The following ZFAT variants were observed in gnomAD, a reference collection of about 807,000 sequenced individuals.
ZFAT encodes the protein zinc finger and AT-hook domain containing, also known as zinc finger protein ZFAT.
In ZFAT, 64 loss-of-function variants were observed where a neutral mutation model predicts 117.7. That is an observed-to-expected ratio of 0.54 (90% confidence interval 0.44 to 0.67). ZFAT has a LOEUF of 0.67. ZFAT is among the 30% of genes least tolerant of loss of function. The pLI is 0.00. For synonymous variants in ZFAT, 679 were observed against 615.0 expected (o/e 1.10, Z -1.54); for missense variants, 1,433 against 1,584.5 (o/e 0.90, Z 1.62).
the ZFAT span, among the ~76,000 whole-genome samples, chr8:134,787,061 C>A: frequency 1.3e-5 from 2 of 152,094 alleles, 1 homozygote; most frequent in South Asian, 4.1e-4. Context: ...GTTGCCCAGG[C>A]TAGTCTTGAA....
chr8:134,539,072 G>T (rs1822054674), intron 11 of ZFAT, among the ~76,000 whole-genome samples: 1 of 152,188 alleles, frequency 6.6e-6, no homozygotes, highest in Non-Finnish European at 1.5e-5. Flanking sequence ...GAGAGTAGAA[G>T]AGGACAGGGA....
intron 1 of ZFAT, among the ~76,000 whole-genome samples, 176 bp downstream of exon 1, chr8:134,712,669 G>GC (rs1814053295): frequency 6.8e-6 from 1 of 146,000 alleles, no homozygotes; most frequent in Non-Finnish European, 1.5e-5. Context: ...CTGAACGTGA[G>GC]CCGCAGAACG....
At chr8:134,540,423 A>G (rs1320033223) in intron 11 of ZFAT, among the ~76,000 whole-genome samples, 2 of 152,218 alleles carry the variant, frequency 1.3e-5, no homozygotes, top group African/African-American at 2.4e-5. Context: ...CTGAGGCTCC[A>G]AGAAACCTCC....
rs767185578 is a variant in ZFAT at position 134,637,575 on chromosome 8, G to C, written c.334C>G (p.Pro112Ala). The C allele has an allele frequency of 2.5e-6, 4 of 1,614,220 alleles. No individual in the cohort carries two copies. The highest frequency in any genetic ancestry group is 1.3e-5 in the African/African-American group (1 of 75,060). The change falls in exon 3 of 16, where the codon CCT becomes GCT. Residue 112 changes from proline to alanine, a missense_variant. Coordinates refer to ENST00000377838, the MANE Select transcript of ZFAT (RefSeq NM_020863.4). The part of the protein sequence containing the change: ...PLAPEEGNSL[P>A]PSSLECSKCC... Reference sequence around the variant, plus strand: ...TTGCTACACTCCAAGCTGCTTGGAGGCAGGCTGTTCCCTTCCTCCGGAGCC... The same window carrying C: ...TTGCTACACTCCAAGCTGCTTGGAGCCAGGCTGTTCCCTTCCTCCGGAGCC...
intron 10 of ZFAT, among the ~76,000 whole-genome samples, chr8:134,582,435 A>G (rs1214180241): frequency 1.3e-5 from 2 of 152,240 alleles, no homozygotes; most frequent in Non-Finnish European, 2.9e-5. Flanking sequence ...TGCTATCATC[A>G]TCTTAAGAAA....
chr8:134,515,583 T>C (rs1276745827), intron 13 of ZFAT, among the ~76,000 whole-genome samples: 4 of 152,256 alleles, frequency 2.6e-5, no homozygotes, highest in Non-Finnish European at 5.9e-5. Context: ...TTTTTTCATA[T>C]GTTTGTTGGC....
intron 10 of ZFAT, among the ~76,000 whole-genome samples, chr8:134,574,333 C>T (rs1825148955): frequency 6.6e-6 from 1 of 152,136 alleles, no homozygotes; most frequent in Admixed American, 6.5e-5. Context: ...AAGGCAATCG[C>T]TCCTGGCCTC....
chr8:134,590,281 C>G lies in ZFAT; in HGVS notation c.2550G>C (p.Lys850Asn). 2 of 1,613,000 alleles carry G rather than the reference C, an allele frequency of 1.2e-6. No individual in the cohort carries two copies. Among genetic ancestry groups the G allele is most frequent in the Non-Finnish European group, 1.7e-6 (2 of 1,179,128 alleles). Reference sequence around the variant, plus strand: ...GCACAACCTTACCAGGATGGTTGGTCTTGATATGTGACTTTATCAATCGAT... The same window carrying G: ...GCACAACCTTACCAGGATGGTTGGTGTTGATATGTGACTTTATCAATCGAT... ...SEDRLIKSHI[K>N]TNHPEVSMST... The change falls in exon 8 of 16, where the codon AAG becomes AAC. Residue 850 changes from lysine to asparagine, a missense_variant. Lys to Asn is a moderately conservative substitution (Grantham distance 94). Around this residue, in one of 5 missense-constraint regions of ZFAT, gnomAD observed 503 missense variants for 543.4 expected, o/e 0.93. Coordinates refer to ENST00000377838, the MANE Select transcript of ZFAT (RefSeq NM_020863.4).
intron 1 of ZFAT, chr8:134,696,643 T>G (rs576916339): frequency 2.0e-6 from 2 of 979,420 alleles, no homozygotes; most frequent in Non-Finnish European, 2.4e-6. Flanking sequence ...CCTGCCCAGG[T>G]GGGACAGGGC....
At chr8:134,487,419 C>T (rs142207072) in intron 15 of ZFAT, among the ~76,000 whole-genome samples, 6 of 152,286 alleles carry the variant, frequency 3.9e-5, no homozygotes, top group East Asian at 3.9e-4. Flanking sequence ...GGATTCCCAT[C>T]GCATCCCTTT....
At chr8:134,566,713 C>T (rs1824496521) in intron 10 of ZFAT, among the ~76,000 whole-genome samples, 1 of 152,084 alleles carries the variant, frequency 6.6e-6, no homozygotes, top group Admixed American at 6.6e-5. Flanking sequence ...CTTAGATATT[C>T]CCCCTCCCCT....
intron 15 of ZFAT, among the ~76,000 whole-genome samples, chr8:134,493,692 G>A (rs1441275962): frequency 6.6e-6 from 1 of 152,242 alleles, no homozygotes; most frequent in East Asian, 1.9e-4. Context: ...CGGCACTCAT[G>A]ACTGCTTCTG....
rs373443509 is a variant in ZFAT, at chr8:134,610,094, G to C, written c.634+376C>G. Among the ~76,000 whole-genome samples, 3 of 152,194 alleles carry C rather than the reference G, an allele frequency of 2.0e-5. No homozygotes were observed. In the South Asian group the frequency reaches 6.2e-4, roughly 32 times the overall value. On this transcript the variant is annotated intron_variant, in intron 4 of 15. Transcript: ENST00000377838. ...GCAGCCTGCATGCGTCTGGCTGAAT[G>C]GGCTGGCCTCACATGCAGGACAGCA...
chr8:134,760,273 G>GAAAAAAAAAAAAAAA, the ZFAT span, among the ~76,000 whole-genome samples: 4 of 128,740 alleles, frequency 3.1e-5, no homozygotes, highest in Non-Finnish European at 6.7e-5. Context: ...GTCTCAAAAA[G>GAAAAAAAAAAAAAAA]AAAAAAAAAA....
chr8:134,794,647 CTATT>C, the ZFAT span: 3 of 152,170 alleles, frequency 2.0e-5, no homozygotes, highest in Non-Finnish European at 2.9e-5. Context: ...ATAATACAGA[CTATT>C]TATCTGTTCA....
chr8:134,666,970 G>T (rs1247888053), intron 1 of ZFAT, among the ~76,000 whole-genome samples: 2 of 152,290 alleles, frequency 1.3e-5, no homozygotes, highest in Admixed American at 1.3e-4. Flanking sequence ...AAAAGAGTGA[G>T]TTCATGTCCT....
At chr8:134,613,337 C>CGGATAAACTGTGTCT (rs1007369126) in intron 3 of ZFAT, among the ~76,000 whole-genome samples, 1 of 152,026 alleles carries the variant, frequency 6.6e-6, no homozygotes, top group Non-Finnish European at 1.5e-5. Flanking sequence ...CGCTCTGCAA[C>CGGATAAACTGTGTCT]GGATAAACTG....
At chr8:134,710,945 C>A (rs1220595081) in intron 1 of ZFAT, among the ~76,000 whole-genome samples, 2 of 152,186 alleles carry the variant, frequency 1.3e-5, no homozygotes, top group African/African-American at 4.8e-5. Flanking sequence ...ATATGACACA[C>A]CATTAATACA....
At chr8:134,553,444 A>C (rs1271198059) in intron 11 of ZFAT, among the ~76,000 whole-genome samples, 2 of 152,210 alleles carry the variant, frequency 1.3e-5, no homozygotes, top group African/African-American at 2.4e-5. Context: ...CAGAAGTTTC[A>C]GCGAGCCGAG....
Sources: allele counts gnomAD v4.1 joint callset (sites outside exome capture counted in the v4.1 genomes callset), GRCh38; gene constraint gnomAD v4.1.1; regional missense constraint gnomAD v4.1.1; transcripts MANE v1.5; gene names NCBI Gene and HGNC (gene_info 2026-07-23, HGNC 2026-07-21).